Variants in ATP9A observed in about 807,000 individuals in gnomAD.
ATP9A encodes ATPase phospholipid transporting 9A.
A neutral mutation model predicts 144.1 loss-of-function variants in ATP9A; 52 were observed. That is an observed-to-expected ratio of 0.36 (90% confidence interval 0.29 to 0.45). The LOEUF is 0.45. ATP9A is among the 20% of genes least tolerant of loss of function. ATP9A has a pLI of 1.00. For missense variants in ATP9A, 947 were observed against 1,392.7 expected (o/e 0.68, Z 5.09); for synonymous variants, 582 against 557.4 (o/e 1.04, Z -0.62).
chr20:51,597,770 A>G lies in ATP9A; in HGVS notation c.*3441T>C, dbSNP rs2077125415. The G allele has an allele frequency of 6.6e-6, 1 of 152,100 alleles. No individual in the cohort carries two copies. The highest frequency in any genetic ancestry group is 1.5e-5 in the Non-Finnish European group (1 of 68,026). The allele number at this position is 152,100 out of a possible 1,614,324, so 9.4% of individuals were successfully genotyped here. On this transcript the variant is annotated 3_prime_UTR_variant, in exon 28 of 28. Transcript: ENST00000338821. ...GGGTGGGGGAGGCATTAGCATATCA[A>G]TTTCCAATGAGCACAAAATTCAAAA...
At chr20:51,637,879 G>A (rs186607917) in intron 15 of ATP9A, among the ~76,000 whole-genome samples, 169 of 150,284 alleles carry the variant, frequency 1.1e-3, no homozygotes, top group African/African-American at 3.9e-3. Context: ...CCCCTGACTC[G>A]CCAAAGTCCA....
chr20:51,671,062 T>G, intron 12 of ATP9A, 53 bp downstream of exon 12: 3 of 1,592,672 alleles, frequency 1.9e-6, no homozygotes, highest in Non-Finnish European at 2.6e-6. Flanking sequence ...GCCAAAGCCC[T>G]CAGGCATCTT....
At chr20:51,756,857 T>C (rs902658611) in intron 1 of ATP9A, among the ~76,000 whole-genome samples, 3 of 152,128 alleles carry the variant, frequency 2.0e-5, no homozygotes, top group African/African-American at 4.8e-5. Context: ...GCAAGAACAA[T>C]AGTCCAGACT....
chr20:51,723,466 C>T (rs746469677), intron 3 of ATP9A, among the ~76,000 whole-genome samples: 8 of 151,636 alleles, frequency 5.3e-5, no homozygotes, highest in Non-Finnish European at 7.4e-5. Context: ...CCCAGCCACA[C>T]AGGGGGCTGG....
intron 1 of ATP9A, among the ~76,000 whole-genome samples, chr20:51,756,376 C>T (rs576135475): frequency 2.0e-5 from 3 of 151,966 alleles, no homozygotes; most frequent in East Asian, 3.9e-4. Flanking sequence ...CTGCAACCTC[C>T]GCTTCCTGGG....
At chr20:51,704,734 C>T (rs1169156603) in intron 4 of ATP9A, among the ~76,000 whole-genome samples, 1 of 152,144 alleles carries the variant, frequency 6.6e-6, no homozygotes, top group East Asian at 1.9e-4. Flanking sequence ...GAGCCGAGAT[C>T]GCGCCATCGC....
At chr20:51,617,430 G>C in intron 22 of ATP9A, 60 bp downstream of exon 22, 13 of 1,521,970 alleles carry the variant, frequency 8.5e-6, no homozygotes, top group East Asian at 2.4e-5. Context: ...CTGTGTCTTT[G>C]AGGGAAAAAG....
intron 4 of ATP9A, among the ~76,000 whole-genome samples, chr20:51,707,197 C>T (rs780962941): frequency 6.6e-6 from 1 of 152,118 alleles, no homozygotes; most frequent in Non-Finnish European, 1.5e-5. Context: ...CCTGCTGTTG[C>T]CATCTTGAGA....
rs2077214962 is a variant in ATP9A at position 51,618,960 on chromosome 20, G to C, written c.2199C>G (p.Ser733=). 6.2e-7 allele frequency: 1 copy of C among 1,614,034 alleles called. No homozygotes were observed. Among genetic ancestry groups the C allele is most frequent in the Admixed American group, 1.7e-5 (1 of 60,004 alleles). ...CAGGGGTCCCCAAGCTCACCTCCAG[G>C]GAGTCTCCCGAGATGACCAGGGCAC... ...HDCALVISGD[S]LEVCLKYYEY... Residue 733 remains serine, a synonymous_variant, in exon 20 of 28, where the codon TCC becomes TCG. Transcript: ENST00000338821.
intron 19 of ATP9A, among the ~76,000 whole-genome samples, chr20:51,620,208 C>G (rs571246274): frequency 1.4e-4 from 21 of 152,158 alleles, no homozygotes; most frequent in Admixed American, 1.4e-3. Flanking sequence ...CAAAAGCAGT[C>G]GTACACCATA....
chr20:51,705,402 A>G (rs2077610849), intron 4 of ATP9A, among the ~76,000 whole-genome samples: 1 of 152,238 alleles, frequency 6.6e-6, no homozygotes, highest in African/African-American at 2.4e-5. Flanking sequence ...GCATCACTCA[A>G]CTATCTAGAA....
At chr20:51,668,442 T>C (rs970951463) in intron 13 of ATP9A, among the ~76,000 whole-genome samples, 1 of 151,860 alleles carries the variant, frequency 6.6e-6, no homozygotes, top group East Asian at 1.9e-4. Flanking sequence ...AGGTCAGGCC[T>C]AGAGATGGAG....
At chr20:51,759,268 AG>A (rs922085941) in intron 1 of ATP9A, among the ~76,000 whole-genome samples, 1 of 152,200 alleles carries the variant, frequency 6.6e-6, no homozygotes, top group African/African-American at 2.4e-5. Flanking sequence ...GTGGCTGAGG[AG>A]GGGGGTGTCT....
intron 7 of ATP9A, 116 bp downstream of exon 7, chr20:51,693,892 C>G: frequency 1.1e-6 from 1 of 880,922 alleles, no homozygotes; most frequent in Non-Finnish European, 1.8e-6. Flanking sequence ...ACCCCACGCT[C>G]CCCTACTGGC....
chr20:51,707,759 G>T (rs764157336), intron 4 of ATP9A, among the ~76,000 whole-genome samples: 20 of 152,080 alleles, frequency 1.3e-4, no homozygotes, highest in Non-Finnish European at 2.4e-4. Flanking sequence ...CGCCTCACTG[G>T]ATTATAACTT....
intron 14 of ATP9A, among the ~76,000 whole-genome samples, chr20:51,642,201 C>A (rs1352645880): frequency 2.0e-5 from 3 of 152,074 alleles, no homozygotes; most frequent in African/African-American, 7.2e-5. Context: ...GTCACCTAGG[C>A]TGGAGTGCAG....
At chr20:51,691,684 C>T (rs1333277018) in intron 7 of ATP9A, among the ~76,000 whole-genome samples, 1 of 152,214 alleles carries the variant, frequency 6.6e-6, no homozygotes, top group African/African-American at 2.4e-5. Context: ...ATGGAAACAG[C>T]ACTTCCTCAA....
At chr20:51,712,123 A>G (rs1401263445) in intron 4 of ATP9A, among the ~76,000 whole-genome samples, 1 of 138,942 alleles carries the variant, frequency 7.2e-6, no homozygotes, top group Non-Finnish European at 1.5e-5. Flanking sequence ...CCCAGGCTGG[A>G]GTGCAGTGGC....
rs183389361 is a variant in ATP9A, at chr20:51,697,432, C to T, written c.487G>A (p.Val163Ile). The T allele has an allele frequency of 1.1e-5, 17 of 1,613,070 alleles. No individual in the cohort carries two copies. The highest frequency in any genetic ancestry group is 6.6e-5 in the South Asian group (6 of 90,774). The change falls in exon 5 of 28, where the codon GTT (valine) becomes ATT (isoleucine). Residue 163 changes from valine to isoleucine, a missense_variant. Physicochemically the swap from Val to Ile is conservative, Grantham distance 29 (BLOSUM62 3). Transcript: ENST00000338821. ...SNIQVGDLII[V>I]EKNQRVPADM... ...TTCCAGATTCTGCTCACCTTTTCAACGATGATAAGGTCTCCAACTTGGATG... is the reference window on the plus strand; with the variant it reads ...TTCCAGATTCTGCTCACCTTTTCAATGATGATAAGGTCTCCAACTTGGATG...
Sources: gnomAD v4.1 joint callset for allele counts (sites outside exome capture counted in the v4.1 genomes callset) on GRCh38, gnomAD v4.1.1 for gene constraint, MANE v1.5 for transcripts, NCBI Gene and HGNC (gene_info 2026-07-23, HGNC 2026-07-21) for gene names.